CTNNA2: variants seen among roughly 807,000 people sequenced by gnomAD.
CTNNA2 encodes catenin alpha 2.
In CTNNA2, 42 loss-of-function variants were observed where a neutral mutation model predicts 101.0. The ratio of observed to expected loss-of-function variants is 0.42; its 90% confidence interval spans 0.32 to 0.54. The LOEUF (loss-of-function observed/expected upper bound fraction) is 0.54, where lower values mean the gene tolerates loss of function less well. CTNNA2 is among the 20% of genes least tolerant of loss of function. CTNNA2 has a pLI of 0.14. For missense variants in CTNNA2, 871 were observed against 1,223.1 expected, an observed-to-expected ratio of 0.71 and a Z score of 4.29; for synonymous variants, 450 against 456.4, an observed-to-expected ratio of 0.99 and a Z score of 0.18.
chr2:79,778,599 A>C (rs564336601), intron 3 of CTNNA2, among the ~76,000 whole-genome samples: 13 of 152,200 alleles, frequency 8.5e-5, no homozygotes, highest in Admixed American at 7.9e-4. Context: ...ATATACATAC[A>C]TATATACACA....
intron 7 of CTNNA2, among the ~76,000 whole-genome samples, chr2:80,272,327 C>G (rs1486068559): frequency 2.0e-5 from 3 of 152,192 alleles, no homozygotes; most frequent in Non-Finnish European, 4.4e-5. Context: ...AACAAAAATA[C>G]CGTTCCATCT....
intron 7 of CTNNA2, among the ~76,000 whole-genome samples, chr2:80,106,351 A>G (rs1159391438): frequency 6.6e-6 from 1 of 152,192 alleles, no homozygotes; most frequent in African/African-American, 2.4e-5. Context: ...TTTTTGAAAC[A>G]AGAACTCAAG....
intron 3 of CTNNA2, among the ~76,000 whole-genome samples, chr2:79,337,029 T>C (rs1677010166): frequency 1.3e-5 from 2 of 152,182 alleles, no homozygotes; most frequent in South Asian, 4.1e-4. Context: ...TTGATGTTCC[T>C]CTACTAGATG....
intron 7 of CTNNA2, among the ~76,000 whole-genome samples, chr2:80,365,013 C>A (rs1313885551): frequency 1.3e-5 from 2 of 152,118 alleles, no homozygotes; most frequent in African/African-American, 4.8e-5. Flanking sequence ...GTAATCCAGT[C>A]ATCTGTGGGG....
intron 7 of CTNNA2, among the ~76,000 whole-genome samples, chr2:80,115,945 A>G (rs1382333331): frequency 6.6e-6 from 1 of 152,180 alleles, no homozygotes; most frequent in Non-Finnish European, 1.5e-5. Flanking sequence ...TGGACTGGAA[A>G]TAGGATATCA....
At chr2:79,471,691 A>G (rs374607754) in intron 4 of CTNNA2, among the ~76,000 whole-genome samples, 36 of 152,138 alleles carry the variant, frequency 2.4e-4, no homozygotes, top group South Asian at 4.1e-4. Flanking sequence ...ACAAAAAATT[A>G]GCTGGGCATG....
chr2:80,191,056 A>G (rs1455381556), intron 7 of CTNNA2, among the ~76,000 whole-genome samples: 1 of 152,198 alleles, frequency 6.6e-6, no homozygotes, highest in Non-Finnish European at 1.5e-5. Context: ...AAACTTCCTC[A>G]GTGAAATGTT....
intron 4 of CTNNA2, among the ~76,000 whole-genome samples, chr2:79,408,950 C>G (rs145103423): frequency 0.012 from 1,544 of 132,182 alleles, 19 homozygotes; most frequent in South Asian, 0.059. Context: ...TCCACATCCT[C>G]TCCAGCACTG....
intron 4 of CTNNA2, among the ~76,000 whole-genome samples, chr2:79,460,652 A>G (rs66867206): frequency 0.19 from 28,656 of 152,022 alleles, 2,785 homozygotes; most frequent in Middle Eastern, 0.33. Flanking sequence ...TACTCTCCTT[A>G]TGTCTGGGCT....
chr2:79,829,489 G>T (rs935563246), intron 3 of CTNNA2, among the ~76,000 whole-genome samples: 1 of 150,666 alleles, frequency 6.6e-6, no homozygotes, highest in Non-Finnish European at 1.5e-5. Context: ...AGAATCGCTT[G>T]ATCTCGGGAG....
At chr2:80,509,547 T>C (rs1329598748) in intron 9 of CTNNA2, among the ~76,000 whole-genome samples, 1 of 152,098 alleles carries the variant, frequency 6.6e-6, no homozygotes, top group Admixed American at 6.6e-5. Context: ...ATGTCTTCTG[T>C]CTAAGAGTGT....
At chr2:80,478,296 C>T (rs1461318965) in intron 9 of CTNNA2, among the ~76,000 whole-genome samples, 3 of 152,054 alleles carry the variant, frequency 2.0e-5, no homozygotes, top group African/African-American at 4.8e-5. Context: ...GGATACTAGT[C>T]CTTTGGTGGC....
intron 1 of CTNNA2, among the ~76,000 whole-genome samples, chr2:79,622,966 A>G (rs758813018): frequency 1.2e-4 from 18 of 152,222 alleles, no homozygotes; most frequent in Non-Finnish European, 2.4e-4. Context: ...AACTGCTTAC[A>G]AGTTCTATAA....
rs114260308 is a variant in CTNNA2 at position 80,560,966 on chromosome 2, A to G, written c.1741+5073A>G. On this transcript the variant is annotated intron_variant, in intron 12 of 18. Coordinates refer to ENST00000402739, the MANE Select transcript of CTNNA2 (RefSeq NM_001282597.3). ...TTTGTCTTTTTTTTCTGTAGAAAAT[A>G]TGTCTACCAGCAGCCTCAGGTTTGC... 2.3e-3 allele frequency among the ~76,000 whole-genome samples: 347 copies of G among 150,910 alleles called. 1 individual carries two copies. Among genetic ancestry groups the G allele is most frequent in the African/African-American group, 8.1e-3 (328 of 40,280 alleles).
intron 1 of CTNNA2, among the ~76,000 whole-genome samples, chr2:79,560,832 C>T (rs1203253928): frequency 6.6e-6 from 1 of 151,872 alleles, no homozygotes; most frequent in African/African-American, 2.4e-5. Context: ...AGAGATTGTC[C>T]ATTTATGAAG....
At chr2:79,462,757 C>T (rs767138355) in intron 4 of CTNNA2, among the ~76,000 whole-genome samples, 74 of 152,300 alleles carry the variant, frequency 4.9e-4, no homozygotes, top group Admixed American at 1.3e-3. Context: ...ACTCAATAAA[C>T]GTATTGGTTG....
chr2:79,806,662 G>A (rs1451012253), intron 3 of CTNNA2, among the ~76,000 whole-genome samples: 6 of 151,896 alleles, frequency 4.0e-5, no homozygotes, highest in Non-Finnish European at 7.4e-5. Context: ...AGTCTCCCAC[G>A]TTTGCCTCTG....
chr2:79,372,822 G>A (rs925487291), intron 3 of CTNNA2, among the ~76,000 whole-genome samples: 1 of 152,148 alleles, frequency 6.6e-6, no homozygotes, highest in East Asian at 1.9e-4. Context: ...ACGTTAATTG[G>A]CAGAGGCCTA....
chr2:80,539,122 A>G (rs1691305279), intron 9 of CTNNA2, among the ~76,000 whole-genome samples: 1 of 152,074 alleles, frequency 6.6e-6, no homozygotes, highest in African/African-American at 2.4e-5. Context: ...CAGTTCAAGC[A>G]ATTCTTGTAC....
Sources: allele counts gnomAD v4.1 joint callset (sites outside exome capture counted in the v4.1 genomes callset), GRCh38; gene constraint gnomAD v4.1.1; transcripts MANE v1.5; gene names NCBI Gene and HGNC (gene_info 2026-07-23, HGNC 2026-07-21).